Variants in CORO7 observed in about 807,000 individuals in gnomAD.
CORO7 encodes the protein coronin 7, also known as coronin-7.
CORO7 carries 107 observed loss-of-function variants against 126.6 expected under a neutral mutation model. The observed-to-expected ratio is 0.85, with a 90% CI of 0.72 to 0.99. CORO7 has a LOEUF of 0.99. CORO7 is among the 50% of genes least tolerant of loss of function. CORO7 has a pLI of 0.00. For synonymous variants in CORO7, 603 were observed against 536.8 expected, an observed-to-expected ratio of 1.12 and a Z score of -1.70; for missense variants, 1,314 against 1,255.8, an observed-to-expected ratio of 1.05 and a Z score of -0.70.
chr16:4,360,162 A>C (rs2054116337), intron 21 of CORO7, 116 bp downstream of exon 21: 1 of 1,359,706 alleles, frequency 7.4e-7, no homozygotes, highest in Admixed American at 2.0e-5. Flanking sequence ...CACCCACCCA[A>C]CCATCCAGTG....
At position 4,364,773 on chromosome 16, in the gene CORO7, A is replaced by C. The variant is rs552035108; in HGVS notation, c.1044+2T>G. The C allele has an allele frequency of 1.9e-6, 3 of 1,609,170 alleles. No homozygotes were observed. The highest frequency in any genetic ancestry group is 1.1e-5 in the South Asian group (1 of 90,554). ...GCAGTCCCTCGCCCAAGTCCCCCTC[A>C]CCTTGCGGGGCACATGGTAGCCGAT... On this transcript the variant is annotated splice_donor_variant, in intron 12 of 27. Coordinates refer to ENST00000251166, the MANE Select transcript of CORO7 (RefSeq NM_024535.5). LOFTEE classifies it high-confidence loss of function.
In CORO7 at chr16:4,407,543, T is replaced by A; in HGVS notation, c.445A>T (p.Thr149Ser). ...TTGGCTGCGTCCCAGACCTTCACAG[T>A]GGTGCCTGCTGCGCTCACCAGAATG... ...DGILVSAAGT[T>S]VKVWDAAKQQ... is the part of the protein sequence containing the mutation. The change falls in exon 5 of 28, where the codon ACT becomes TCT. Residue 149 changes from threonine (T) to serine (S), a missense_variant. Thr to Ser is a moderately conservative substitution (Grantham distance 58). Coordinates refer to ENST00000251166, the MANE Select transcript of CORO7 (RefSeq NM_024535.5). 1 of 1,579,404 alleles carries A rather than the reference T, an allele frequency of 6.3e-7. No homozygotes were observed. The highest frequency in any genetic ancestry group is 1.2e-5 in the South Asian group (1 of 86,536).
intron 9 of CORO7, among the ~76,000 whole-genome samples, chr16:4,377,410 C>T (rs1041305939): frequency 1.3e-5 from 2 of 152,116 alleles, no homozygotes; most frequent in African/African-American, 2.4e-5. Context: ...CCCAGCCCCA[C>T]GCACACACCA....
At chr16:4,411,068 T>G (rs1230683367) in intron 3 of CORO7, among the ~76,000 whole-genome samples, 1 of 152,172 alleles carries the variant, frequency 6.6e-6, no homozygotes, top group East Asian at 1.9e-4. Flanking sequence ...TGGATGGCAG[T>G]GCACATGACT....
intron 9 of CORO7, chr16:4,381,065 G>A: frequency 6.2e-7 from 1 of 1,609,976 alleles, no homozygotes; most frequent in Non-Finnish European, 8.5e-7. Flanking sequence ...TTTGAGAACG[G>A]CATCACCATG....
chr16:4,362,992 G>T lies in CORO7; in HGVS notation c.1276-254C>A. ...CCCTGCAGGAGGGTGTGCCCAGTGGGTTAGATCTGCCAGTATTTTAAGAGA... is the reference window on the plus strand; with the variant it reads ...CCCTGCAGGAGGGTGTGCCCAGTGGTTTAGATCTGCCAGTATTTTAAGAGA... On this transcript the variant is annotated intron_variant, in intron 14 of 27. Transcript: ENST00000251166. The surrounding 1 kb of genome is among the most constrained non-coding windows in gnomAD (Gnocchi z 5.3). 2.6e-6 allele frequency: 1 copy of T among 385,408 alleles called. No homozygotes were observed. Among genetic ancestry groups the T allele is most frequent in the African/African-American group, 2.1e-5 (1 of 48,532 alleles). The allele number at this position is 385,408 out of a possible 1,614,324, so 23.9% of individuals were successfully genotyped here. A position where few individuals can be genotyped will look rare whatever the true frequency, so the allele number is the denominator to read the frequency against.
At position 4,354,835 on chromosome 16, in the gene CORO7, C is replaced by G. The variant is rs1458986109; in HGVS notation, c.*323G>C. On this transcript the variant is annotated 3_prime_UTR_variant, in exon 28 of 28. Transcript: ENST00000251166. ...TGAGGCCAATCCAGGCTGGGACCAG[C>G]CCAGGTCAGCAGTGAGACCAGGGGA... 2 of 380,036 alleles carry G rather than the reference C, an allele frequency of 5.3e-6. No individual in the cohort carries two copies. Among genetic ancestry groups the G allele is most frequent in the Non-Finnish European group, 9.4e-6 (2 of 213,258 alleles). The allele number at this position is 380,036 out of a possible 1,614,324, so 23.5% of individuals were successfully genotyped here.
chr16:4,396,104 G>C (rs1276889715), intron 6 of CORO7, among the ~76,000 whole-genome samples: 2 of 151,848 alleles, frequency 1.3e-5, no homozygotes, highest in Non-Finnish European at 2.9e-5. Context: ...TTTTGAGACA[G>C]AGTTTTGCTC....
intron 9 of CORO7, chr16:4,383,606 GC>G (rs3840981): frequency 0.64 from 106,064 of 166,690 alleles, 35,333 homozygotes; most frequent in East Asian, 0.78. Context: ...GGGAGCCAGG[GC>G]CCCTCAGCAG....
At chr16:4,374,692 T>C (rs536935466) in intron 9 of CORO7, among the ~76,000 whole-genome samples, 3 of 152,134 alleles carry the variant, frequency 2.0e-5, no homozygotes, top group South Asian at 4.1e-4. Flanking sequence ...CGCCTGCCCA[T>C]TGATCAGCTC....
At chr16:4,412,107 G>A (rs1427447588) in intron 3 of CORO7, among the ~76,000 whole-genome samples, 1 of 152,006 alleles carries the variant, frequency 6.6e-6, no homozygotes, top group Non-Finnish European at 1.5e-5. Flanking sequence ...GCCTGGGGCG[G>A]CCACTGCACA....
rs763679058 is a variant in CORO7 at position 4,362,211 on chromosome 16, C to G, written c.1403-51G>C. The stretch of plus-strand genomic sequence containing the variant: ...CACGTGTGAGGATGCCGTCCCCGCC[C>G]GCCCTGCACTCTTTGAGTCCCGGCT... On this transcript the variant is annotated intron_variant, in intron 15 of 27. Transcript: ENST00000251166. This position sits in a 1 kb window ranked among gnomAD's most constrained non-coding sequence, Gnocchi z 5.3. 1.3e-5 allele frequency: 21 copies of G among 1,559,216 alleles called. No individual in the cohort carries two copies. Among genetic ancestry groups the G allele is most frequent in the Non-Finnish European group, 1.8e-5 (21 of 1,152,308 alleles).
At position 4,362,988 on chromosome 16, in the gene CORO7, G is replaced by C. The variant is rs2054232388; in HGVS notation, c.1276-250C>G. 5.1e-6 allele frequency: 2 copies of C among 390,528 alleles called. No homozygotes were observed. The highest frequency in any genetic ancestry group is 9.0e-6 in the Non-Finnish European group (2 of 222,372). 24.2% of individuals were successfully genotyped at this position (390,528 alleles called of 1,614,324 possible). A position where few individuals can be genotyped will look rare whatever the true frequency, so the allele number is the denominator to read the frequency against. ...CCAGCCCTGCAGGAGGGTGTGCCCA[G>C]TGGGTTAGATCTGCCAGTATTTTAA... is the stretch of plus-strand genomic sequence containing the variant. On this transcript the variant is annotated intron_variant, in intron 14 of 27. Coordinates refer to ENST00000251166, the MANE Select transcript of CORO7 (RefSeq NM_024535.5). This position sits in a 1 kb window ranked among gnomAD's most constrained non-coding sequence, Gnocchi z 5.3.
intron 4 of CORO7, 81 bp downstream of exon 4, chr16:4,408,100 T>C: frequency 6.2e-7 from 1 of 1,600,636 alleles, no homozygotes; most frequent in East Asian, 2.2e-5. Flanking sequence ...AGCAGAGCCC[T>C]GTGGGGATGG....
intron 19 of CORO7, 141 bp from the exon 20 acceptor site, chr16:4,360,689 T>A (rs568049215): frequency 1.5e-6 from 2 of 1,315,668 alleles, no homozygotes; most frequent in African/African-American, 1.5e-5. Flanking sequence ...GTCTTGCCTC[T>A]CCTCACTGCT....
intron 23 of CORO7, chr16:4,359,029 AG>A: frequency 1.9e-6 from 1 of 517,802 alleles, no homozygotes; most frequent in Non-Finnish European, 3.4e-6. Context: ...CTCCTGCCTC[AG>A]CCTTCCGAAG....
intron 1 of CORO7, among the ~76,000 whole-genome samples, chr16:4,415,444 T>C (rs1160709451): frequency 6.6e-6 from 1 of 152,138 alleles, no homozygotes; most frequent in East Asian, 1.9e-4. Flanking sequence ...TGTTCTTCAA[T>C]GTCGTTATGA....
intron 6 of CORO7, among the ~76,000 whole-genome samples, chr16:4,399,785 G>C (rs934324690): frequency 3.3e-5 from 5 of 152,054 alleles, no homozygotes; most frequent in African/African-American, 1.2e-4. Context: ...CAGCTACTCA[G>C]GAGTCTGAGG....
Position 4,382,632 on chromosome 16 carries a change from G to A in CORO7, c.785+5354C>T, listed in dbSNP as rs770564279. The A allele has an allele frequency of 5.2e-5, 81 of 1,563,836 alleles. No homozygotes were observed. The Middle Eastern group carries it at 6.8e-4, about 13-fold the overall frequency. ...TCATTGCGCCCGCCCTGGCCGCGGT[G>A]CTCCTGGCCGCGCTGGCTGCGGTGG... is the stretch of plus-strand genomic sequence containing the variant. On this transcript the variant is annotated intron_variant, in intron 9 of 27. Transcript: ENST00000251166.
Sources: gnomAD v4.1 joint callset for allele counts (sites outside exome capture counted in the v4.1 genomes callset) on GRCh38, gnomAD v4.1.1 for gene constraint, Gnocchi (gnomAD v3.1) non-coding constraint, MANE v1.5 for transcripts, NCBI Gene and HGNC (gene_info 2026-07-23, HGNC 2026-07-21) for gene names.